The following BIRC2 variants were observed in gnomAD, a reference collection of about 807,000 sequenced individuals.
The protein encoded by BIRC2 is baculoviral IAP repeat-containing protein 2.
A neutral mutation model predicts 60.9 loss-of-function variants in BIRC2; 18 were observed. The observed-to-expected ratio is 0.30, with a 90% CI of 0.20 to 0.44. The LOEUF is 0.44. BIRC2 is among the 20% of genes least tolerant of loss of function. The pLI is 1.00. For missense variants in BIRC2, 701 were observed against 728.5 expected (o/e 0.96, Z 0.43); for synonymous variants, 282 against 247.7 (o/e 1.14, Z -1.30).
intron 6 of BIRC2, among the ~76,000 whole-genome samples, chr11:102,373,786 C>T (rs895466263): frequency 6.6e-6 from 1 of 151,746 alleles, no homozygotes; most frequent in Non-Finnish European, 1.5e-5. Flanking sequence ...TCCAATCTCC[C>T]CATCACTTTC....
chr11:102,352,104 T>C (rs1272146967), intron 3 of BIRC2, among the ~76,000 whole-genome samples: 4 of 144,544 alleles, frequency 2.8e-5, no homozygotes, highest in African/African-American at 1.0e-4. Context: ...GTCTTTCTCT[T>C]TTTTTTTTTT....
At chr11:102,357,681 C>T (rs886515127) in intron 3 of BIRC2, among the ~76,000 whole-genome samples, 2 of 152,008 alleles carry the variant, frequency 1.3e-5, no homozygotes, top group African/African-American at 4.8e-5. Context: ...TTCCTTTTTA[C>T]TAGTCAAACT....
chr11:102,368,543 C>G lies in BIRC2; in HGVS notation c.1361C>G (p.Ala454Gly). The G allele has an allele frequency of 6.2e-7, 1 of 1,612,604 alleles. No individual in the cohort carries two copies. Among genetic ancestry groups the G allele is most frequent in the Non-Finnish European group, 8.5e-7 (1 of 1,179,438 alleles). ...EEKEKQAEEM[A>G]SDDLSLIRKN... ...AAGGAAAAACAAGCTGAAGAAATGG[C>G]ATCAGGTATTTGGGGATGTTAGTCA... Residue 454 changes from alanine to glycine, a missense_variant, in exon 6 of 9, where the codon GCA becomes GGA. By Grantham distance (60) the Ala-to-Gly change is moderately conservative. Transcript: ENST00000227758.
rs761270380 is a variant in BIRC2 at position 102,368,500 on chromosome 11, GA to G, written c.1324del (p.Arg442GlufsTer19). 2 of 1,612,928 alleles carry G rather than the reference GA, an allele frequency of 1.2e-6. No homozygotes were observed. The highest frequency in any genetic ancestry group is 1.7e-5 in the Admixed American group (1 of 59,712). On this transcript the variant is annotated frameshift_variant, in exon 6 of 9. Transcript: ENST00000227758. LOFTEE classifies it high-confidence loss of function. ...IVSALLNAED[E>X]KREEEKEKQA... The stretch of plus-strand genomic sequence containing the variant: ...GTCAGCACTTCTTAATGCTGAAGAT[GA>G]AAAAAGAGAAGAGGAGAAGGAAAAA...
intron 3 of BIRC2, among the ~76,000 whole-genome samples, chr11:102,361,796 G>T (rs1391551003): frequency 6.6e-6 from 1 of 150,818 alleles, no homozygotes; most frequent in East Asian, 1.9e-4. Flanking sequence ...AGATGTCTCT[G>T]CTAAGCAGAT....
chr11:102,366,564 G>C (rs1951555182), intron 5 of BIRC2, among the ~76,000 whole-genome samples: 1 of 151,850 alleles, frequency 6.6e-6, no homozygotes, highest in Non-Finnish European at 1.5e-5. Flanking sequence ...TAGAGATGGG[G>C]TTTCACTGGA....
Position 102,350,849 on chromosome 11 carries a change from A to G in BIRC2, c.901A>G (p.Asn301Asp). The change falls in exon 3 of 9, where the codon AAT becomes GAT. Residue 301 changes from asparagine (N) to aspartate (D), a missense_variant. Asn to Asp is a conservative substitution (Grantham distance 23, BLOSUM62 1). Transcript: ENST00000227758. ...TAGTCTTTTTTTTCCTGAAGGTCGC[A>G]ATGATGATGTCAAATGCTTTTGTTG... ...ASAGFYYVGR[N>D]DDVKCFCCDG... is the part of the protein sequence containing the mutation. 6.2e-7 allele frequency: 1 copy of G among 1,613,756 alleles called. No individual in the cohort carries two copies. The highest frequency in any genetic ancestry group is 1.3e-5 in the African/African-American group (1 of 75,032).
chr11:102,369,577 G>A (rs1021621647), intron 6 of BIRC2, among the ~76,000 whole-genome samples: 3 of 145,586 alleles, frequency 2.1e-5, no homozygotes, highest in African/African-American at 7.6e-5. Context: ...TTGGACATTT[G>A]GGTTGGTTCC....
chr11:102,364,191 A>G (rs1271061973), intron 5 of BIRC2, among the ~76,000 whole-genome samples: 1 of 94,552 alleles, frequency 1.1e-5, no homozygotes, highest in Non-Finnish European at 2.5e-5. Context: ...ACACACAGAG[A>G]GAGAGAGAGA....
rs1473260934 is a variant in BIRC2, at chr11:102,363,694, A to C, written c.1101A>C (p.Gly367=). The C allele has an allele frequency of 1.2e-6, 2 of 1,612,132 alleles. No individual in the cohort carries two copies. Among genetic ancestry groups the C allele is most frequent in the Non-Finnish European group, 8.5e-7 (1 of 1,178,678 alleles). The change falls in exon 5 of 9, where the codon GGA becomes GGC. Residue 367 remains glycine (G), a synonymous_variant. Transcript: ENST00000227758. ...EQLLSTSDTT[G]EENADPPIIH... is the part of the protein sequence containing the mutation. ...TGTTGTCAACTTCAGATACCACTGG[A>C]GAAGAAAATGCTGACCCACCAAGTA...
rs779862982 is a variant in BIRC2 at position 102,378,208 on chromosome 11, T to C, written c.*25T>C. On this transcript the variant is annotated 3_prime_UTR_variant, in exon 9 of 9. Transcript: ENST00000227758. ...AAGAAAAATAGTCTATATTTTAACC[T>C]GCATAAAAAGGTCTTTAAAATATTG... 2.0e-6 allele frequency: 3 copies of C among 1,522,594 alleles called. No homozygotes were observed. The highest frequency in any genetic ancestry group is 1.3e-5 in the South Asian group (1 of 77,492). 94.3% of individuals were successfully genotyped at this position (1,522,594 alleles called of 1,614,324 possible). A position where few individuals can be genotyped will look rare whatever the true frequency, so the allele number is the denominator to read the frequency against.
Position 102,349,736 on chromosome 11 carries a change from A to C in BIRC2, c.-119A>C. On this transcript the variant is annotated 5_prime_UTR_variant, in exon 2 of 9. Coordinates refer to ENST00000227758, the MANE Select transcript of BIRC2 (RefSeq NM_001166.5). ...AAACTGAGATAAATCCAGTAAAGAA[A>C]GTGTAGTAAATTCTACATAAGAGTC... 9.6e-7 allele frequency: 1 copy of C among 1,038,192 alleles called. No homozygotes were observed. Among genetic ancestry groups the C allele is most frequent in the Non-Finnish European group, 1.4e-6 (1 of 718,004 alleles). 64.3% of individuals were successfully genotyped at this position (1,038,192 alleles called of 1,614,324 possible). A position where few individuals can be genotyped will look rare whatever the true frequency, so the allele number is the denominator to read the frequency against.
At chr11:102,364,117 C>T (rs1416991382) in intron 5 of BIRC2, among the ~76,000 whole-genome samples, 1 of 124,348 alleles carries the variant, frequency 8.0e-6, no homozygotes, top group Admixed American at 9.1e-5. Context: ...GGGAAAAATA[C>T]TGGGAAGTCA....
chr11:102,353,327 C>CT (rs899800437), intron 3 of BIRC2, among the ~76,000 whole-genome samples: 17 of 152,004 alleles, frequency 1.1e-4, no homozygotes, highest in Admixed American at 8.5e-4. Flanking sequence ...TTCTTTTTTC[C>CT]TTTTTTTTAT....
intron 5 of BIRC2, among the ~76,000 whole-genome samples, chr11:102,366,734 G>A (rs1321248944): frequency 6.6e-6 from 1 of 152,070 alleles, no homozygotes; most frequent in Admixed American, 6.6e-5. Context: ...AAGTCTTCCT[G>A]ATTCTGGTTT....
chr11:102,352,429 G>T lies in BIRC2; in HGVS notation c.995+1486G>T, dbSNP rs866874951. On this transcript the variant is annotated intron_variant, in intron 3 of 8. Transcript: ENST00000227758. ...GCGTCCAGCCCTTGTTTGTTTTTTT[G>T]AGGTGGAGTCTCACTCTGTCATCCA... Among the ~76,000 whole-genome samples the T allele has an allele frequency of 4.2e-4, 62 of 149,078 alleles. 1 individual carries two copies. The highest frequency in any genetic ancestry group is 1.5e-3 in the African/African-American group (62 of 40,300).
chr11:102,351,033 T>A, intron 3 of BIRC2, 90 bp downstream of exon 3: 1 of 1,160,568 alleles, frequency 8.6e-7, no homozygotes, highest in Non-Finnish European at 1.2e-6. Context: ...CTTTAAATTA[T>A]AACAAAGCCT....
intron 3 of BIRC2, among the ~76,000 whole-genome samples, chr11:102,357,624 G>C (rs1310663877): frequency 6.6e-6 from 1 of 152,084 alleles, no homozygotes; most frequent in African/African-American, 2.4e-5. Context: ...GCGTTTCTGT[G>C]TTATCAATGG....
Position 102,350,435 on chromosome 11 carries a change from G to A in BIRC2, c.581G>A (p.Trp194Ter). 1 of 1,614,108 alleles carries A rather than the reference G, an allele frequency of 6.2e-7. No homozygotes were observed. The highest frequency in any genetic ancestry group is 8.5e-7 in the Non-Finnish European group (1 of 1,180,026). The change falls in exon 2 of 9, where the codon TGG becomes TAG. Residue 194 changes from tryptophan to a stop codon, truncating the protein, a stop_gained. Coordinates refer to ENST00000227758, the MANE Select transcript of BIRC2 (RefSeq NM_001166.5). LOFTEE classifies it high-confidence loss of function. ...EEARFLTYHM[W>*]PLTFLSPSEL... Reference sequence around the variant, plus strand: ...GCCAGATTTCTTACCTACCATATGTGGCCATTAACTTTTTTGTCACCATCA... The same window carrying A: ...GCCAGATTTCTTACCTACCATATGTAGCCATTAACTTTTTTGTCACCATCA...
Sources: allele counts gnomAD v4.1 joint callset (sites outside exome capture counted in the v4.1 genomes callset), GRCh38; gene constraint gnomAD v4.1.1; transcripts MANE v1.5; gene names NCBI Gene and HGNC (gene_info 2026-07-23, HGNC 2026-07-21).